ITIH5: variants seen among roughly 807,000 people sequenced by gnomAD.
ITIH5 encodes inter-alpha-trypsin inhibitor heavy chain H5.
ITIH5 carries 65 observed loss-of-function variants against 77.5 expected under a neutral mutation model. The ratio of observed to expected loss-of-function variants is 0.84; its 90% CI spans 0.69 to 1.03. The LOEUF (loss-of-function observed/expected upper bound fraction) is 1.03. Among genes scored for constraint, ITIH5 ranks in the 50% least tolerant of loss-of-function variants. The probability of loss-of-function intolerance (pLI) is 0.00; values close to 1 mark genes in which losing one functional copy is unlikely to be tolerated. For synonymous variants in ITIH5, 525 were observed against 494.3 expected (o/e 1.06, Z -0.82); for missense variants, 1,208 against 1,213.1 (o/e 1.00, Z 0.06).
intron 1 of ITIH5, among the ~76,000 whole-genome samples, chr10:7,663,139 T>C (rs1383055825): frequency 1.3e-5 from 2 of 152,248 alleles, no homozygotes; most frequent in African/African-American, 2.4e-5. Context: ...TTTGAAGGAT[T>C]TGCTGAGAGC....
intron 4 of ITIH5, among the ~76,000 whole-genome samples, chr10:7,638,004 G>T (rs910909342): frequency 6.6e-6 from 1 of 152,194 alleles, no homozygotes; most frequent in Non-Finnish European, 1.5e-5. Flanking sequence ...TTGGAGTGAG[G>T]GTTCTCTTAT....
chr10:7,649,014 C>T (rs566012036), intron 2 of ITIH5, among the ~76,000 whole-genome samples: 2 of 152,186 alleles, frequency 1.3e-5, no homozygotes, highest in Non-Finnish European at 2.9e-5. Flanking sequence ...CCTTCTCTTA[C>T]AGTTTCCTTG....
In ITIH5 at chr10:7,634,375, G is replaced by A. The variant is rs192077961; in HGVS notation, c.652+2853C>T. Among the ~76,000 whole-genome samples the A allele has an allele frequency of 2.5e-3, 388 of 152,242 alleles. 6 individuals carry two copies. The highest frequency in any genetic ancestry group is 0.023 in the Admixed American group (346 of 15,294). On this transcript the variant is annotated intron_variant, in intron 5 of 13. Coordinates refer to ENST00000397146, the MANE Select transcript of ITIH5 (RefSeq NM_030569.7). ...CTGCCATTTTGCAGGAACAATAACC[G>A]CTGAGCTCTGAAAGACGGGAGTGGG...
At chr10:7,665,041 G>A (rs531614642) in intron 1 of ITIH5, among the ~76,000 whole-genome samples, 2 of 152,206 alleles carry the variant, frequency 1.3e-5, no homozygotes, top group Admixed American at 6.5e-5. Flanking sequence ...AAAAAAGAAC[G>A]GATTAGGGAT....
intron 7 of ITIH5, among the ~76,000 whole-genome samples, chr10:7,611,279 A>T (rs1833238878): frequency 6.6e-6 from 1 of 152,412 alleles, no homozygotes; most frequent in South Asian, 2.1e-4. Context: ...AGATTCTTGC[A>T]TTAAATCATT....
rs760385121 is a variant in ITIH5, at chr10:7,637,506, G to T, written c.402-28C>A. The T allele has an allele frequency of 1.2e-5, 20 of 1,608,294 alleles. No homozygotes were observed. In the South Asian group the frequency reaches 2.2e-4, roughly 18 times the overall value. On this transcript the variant is annotated intron_variant, in intron 4 of 13. Coordinates refer to ENST00000397146, the MANE Select transcript of ITIH5 (RefSeq NM_030569.7). ...GTCAGGAAAAAGGAAAAGGACCCCA[G>T]GGAGGTTCGGAAGAGGATAGAGCCA...
intron 13 of ITIH5, among the ~76,000 whole-genome samples, chr10:7,563,655 G>A (rs768065007): frequency 7.2e-5 from 11 of 152,178 alleles, no homozygotes; most frequent in East Asian, 1.9e-4. Flanking sequence ...TGATAACCAC[G>A]GTCTCCTACT....
rs375881062 is a variant in ITIH5 at position 7,566,017 on chromosome 10, C to T, written c.2527+13G>A. 26 of 1,610,062 alleles carry T rather than the reference C, an allele frequency of 1.6e-5. No individual in the cohort carries two copies. Among genetic ancestry groups the T allele is most frequent in the East Asian group, 6.7e-5 (3 of 44,824 alleles). On this transcript the variant is annotated intron_variant, in intron 13 of 13. Transcript: ENST00000397146. Reference sequence around the variant, plus strand: ...CCCTCTATGCCCAGCGTGAGGAGAGCGCAGCTTCCTACCCAGCAGTCCGTG... The same window carrying T: ...CCCTCTATGCCCAGCGTGAGGAGAGTGCAGCTTCCTACCCAGCAGTCCGTG...
intron 13 of ITIH5, among the ~76,000 whole-genome samples, chr10:7,564,805 GTATA>G (rs1564230403): frequency 6.6e-6 from 1 of 150,520 alleles, no homozygotes; most frequent in Non-Finnish European, 1.5e-5. Context: ...CAGACTGTGT[GTATA>G]TATACACACA....
chr10:7,642,051 T>C lies in ITIH5; in HGVS notation c.175A>G (p.Thr59Ala). 6.2e-7 allele frequency: 1 copy of C among 1,614,084 alleles called. No individual in the cohort carries two copies. The highest frequency in any genetic ancestry group is 8.5e-7 in the Non-Finnish European group (1 of 1,179,942). ...GTGAAGGCATAACGGGAAATGATGGTAGACTTCACTGAGAATTCTGTCATC... is the reference window on the plus strand; with the variant it reads ...GTGAAGGCATAACGGGAAATGATGGCAGACTTCACTGAGAATTCTGTCATC... ...PLMTEFSVKS[T>A]IISRYAFTTV... is the part of the protein sequence containing the mutation. The change falls in exon 3 of 14, where the codon ACC becomes GCC. Residue 59 changes from threonine to alanine, a missense_variant. Thr to Ala is a moderately conservative substitution (Grantham distance 58). Transcript: ENST00000397146.
At chr10:7,649,046 A>G (rs1469830376) in intron 2 of ITIH5, among the ~76,000 whole-genome samples, 1 of 152,164 alleles carries the variant, frequency 6.6e-6, no homozygotes, top group African/African-American at 2.4e-5. Flanking sequence ...ACTAGATTCA[A>G]TTAGGCACGA....
intron 7 of ITIH5, among the ~76,000 whole-genome samples, chr10:7,587,457 A>C (rs748100450): frequency 2.0e-5 from 3 of 152,214 alleles, no homozygotes; most frequent in Non-Finnish European, 4.4e-5. Context: ...GTTGAAGAGC[A>C]CAGGCTTCAG....
In ITIH5 at chr10:7,607,422, G is replaced by C. The variant is rs7908287; in HGVS notation, c.939+8560C>G. On this transcript the variant is annotated intron_variant, in intron 7 of 13. Transcript: ENST00000397146. ...AACACTTTGGAAGCCAAGGTGGGAG[G>C]ATCGCTTGAGTCCAGGAGTTCAAAA... Among the ~76,000 whole-genome samples, 374 of 152,302 alleles carry C rather than the reference G, an allele frequency of 2.5e-3. 1 individual carries two copies. The highest frequency in any genetic ancestry group is 8.7e-3 in the African/African-American group (363 of 41,562).
chr10:7,604,029 C>T (rs573425567), intron 7 of ITIH5, among the ~76,000 whole-genome samples: 40 of 152,268 alleles, frequency 2.6e-4, no homozygotes, highest in East Asian at 1.2e-3. Flanking sequence ...GTTGGTGCCA[C>T]GGCCCTGCAG....
intron 7 of ITIH5, among the ~76,000 whole-genome samples, chr10:7,613,459 G>A (rs1588399692): frequency 6.6e-6 from 1 of 151,470 alleles, no homozygotes; most frequent in African/African-American, 2.4e-5. Flanking sequence ...TCCAAAGTTT[G>A]GATTTCGCAG....
chr10:7,579,548 C>T (rs533568454), intron 9 of ITIH5, among the ~76,000 whole-genome samples: 1 of 151,924 alleles, frequency 6.6e-6, no homozygotes, highest in African/African-American at 2.4e-5. Context: ...AAAAATCTTG[C>T]CTAAAGTCAT....
intron 2 of ITIH5, among the ~76,000 whole-genome samples, chr10:7,653,923 G>A (rs1329615786): frequency 6.6e-6 from 1 of 152,228 alleles, no homozygotes; most frequent in Non-Finnish European, 1.5e-5. Context: ...GGGAGGCCGA[G>A]GTGGGCGGAT....
rs1411881235 is a variant in ITIH5, at chr10:7,642,013, G to T, written c.213C>A (p.Cys71Ter). Reference protein sequence around the residue: ...ISRYAFTTVSCRMLNRASEDQ... With the variant: ...ISRYAFTTVS ...CTTCAGAAGCTCTGTTCAGCATTCT[G>T]CAGGAAACCGTAGTGAAGGCATAAC... The change falls in exon 3 of 14, where the codon TGC becomes TGA. Residue 71 changes from cysteine (C) to a stop codon, truncating the protein, a stop_gained. Transcript: ENST00000397146. LOFTEE classifies it high-confidence loss of function. 1.2e-6 allele frequency: 2 copies of T among 1,613,952 alleles called. No homozygotes were observed. The highest frequency in any genetic ancestry group is 1.7e-6 in the Non-Finnish European group (2 of 1,179,822).
chr10:7,566,009 G>A (rs1380777760), intron 13 of ITIH5, 21 bp downstream of exon 13: 1 of 1,605,654 alleles, frequency 6.2e-7, no homozygotes, highest in South Asian at 1.1e-5. Context: ...TGCCCAGCGT[G>A]AGGAGAGCGC....
Sources: gnomAD v4.1 joint callset for allele counts (sites outside exome capture counted in the v4.1 genomes callset) on GRCh38, gnomAD v4.1.1 for gene constraint, MANE v1.5 for transcripts, NCBI Gene and HGNC (gene_info 2026-07-23, HGNC 2026-07-21) for gene names.